SYT16: variants seen among roughly 807,000 people sequenced by gnomAD.
SYT16 encodes synaptotagmin 16.
In SYT16, 42 loss-of-function variants were observed where a neutral mutation model predicts 61.4. That is an observed-to-expected ratio of 0.68 (90% CI 0.53 to 0.89). SYT16 has a LOEUF of 0.89. Ranked by LOEUF, SYT16 falls within the 40% of genes least tolerant of loss-of-function variation. SYT16 has a pLI of 0.00. For synonymous variants in SYT16, 314 were observed against 302.3 expected (o/e 1.04, Z -0.40); for missense variants, 804 against 807.3 (o/e 1.00, Z 0.05).
At chr14:62,051,278 G>C (rs906487042) in intron 3 of SYT16, among the ~76,000 whole-genome samples, 1 of 152,250 alleles carries the variant, frequency 6.6e-6, no homozygotes, top group Non-Finnish European at 1.5e-5. Flanking sequence ...GCCATGTGCG[G>C]GATATAATCT....
chr14:61,818,657 G>A (rs1407213714), intron 1 of SYT16, among the ~76,000 whole-genome samples: 4 of 141,380 alleles, frequency 2.8e-5, no homozygotes, highest in Non-Finnish European at 3.0e-5. Context: ...CAGCCTGGGA[G>A]ACACAGTGAG....
chr14:62,095,682 TC>T (rs1313816711), intron 7 of SYT16, among the ~76,000 whole-genome samples: 3 of 152,006 alleles, frequency 2.0e-5, no homozygotes, highest in African/African-American at 7.2e-5. Flanking sequence ...CAGTTTTTTT[TC>T]CACATTATAT....
At chr14:61,973,113 A>C (rs1304403421) in intron 2 of SYT16, among the ~76,000 whole-genome samples, 1 of 152,202 alleles carries the variant, frequency 6.6e-6, no homozygotes, top group African/African-American at 2.4e-5. Flanking sequence ...AGAATAAAAT[A>C]ATTCCTTTCG....
At chr14:61,991,644 A>G (rs1464192621) in intron 2 of SYT16, among the ~76,000 whole-genome samples, 1 of 152,112 alleles carries the variant, frequency 6.6e-6, no homozygotes, top group Non-Finnish European at 1.5e-5. Flanking sequence ...AGTATTTTAG[A>G]ATATAGCAAC....
At chr14:61,958,906 T>A (rs2050996656) in intron 1 of SYT16, among the ~76,000 whole-genome samples, 1 of 152,118 alleles carries the variant, frequency 6.6e-6, no homozygotes, top group Non-Finnish European at 1.5e-5. Flanking sequence ...TTTGTCAATG[T>A]TTGTTTTATA....
chr14:61,936,753 T>C (rs1240787654), intron 1 of SYT16, among the ~76,000 whole-genome samples: 4 of 152,176 alleles, frequency 2.6e-5, no homozygotes, highest in African/African-American at 9.7e-5. Context: ...GCCTTAGCTC[T>C]TTGACGCTCC....
At chr14:61,831,193 G>C (rs1013653804) in intron 1 of SYT16, among the ~76,000 whole-genome samples, 1 of 152,202 alleles carries the variant, frequency 6.6e-6, no homozygotes, top group Non-Finnish European at 1.5e-5. Context: ...TCCTGCAGCA[G>C]TTATCCAGCT....
intron 3 of SYT16, among the ~76,000 whole-genome samples, chr14:62,024,233 G>C (rs538863374): frequency 1.3e-5 from 2 of 151,998 alleles, no homozygotes; most frequent in Non-Finnish European, 2.9e-5. Flanking sequence ...TCTACCGCAG[G>C]AATTCTATAA....
At chr14:61,822,378 G>A (rs992966784) in intron 1 of SYT16, among the ~76,000 whole-genome samples, 4 of 152,160 alleles carry the variant, frequency 2.6e-5, no homozygotes, top group African/African-American at 9.7e-5. Context: ...CATATTGAGG[G>A]TTGGTCTGCT....
chr14:61,845,178 G>GGA (rs2140260197), intron 1 of SYT16, among the ~76,000 whole-genome samples: 1 of 151,018 alleles, frequency 6.6e-6, no homozygotes, highest in Admixed American at 6.6e-5. Flanking sequence ...CTCCCAAGTA[G>GGA]CTGGGATTAC....
At chr14:61,892,348 C>T (rs1472581422) in intron 1 of SYT16, among the ~76,000 whole-genome samples, 5 of 152,168 alleles carry the variant, frequency 3.3e-5, no homozygotes, top group African/African-American at 1.2e-4. Context: ...CTCTCCTTCA[C>T]ACCTCATGCT....
At chr14:61,976,881 T>TC (rs2051830457) in intron 2 of SYT16, among the ~76,000 whole-genome samples, 3 of 152,206 alleles carry the variant, frequency 2.0e-5, no homozygotes, top group Admixed American at 2.0e-4. Flanking sequence ...GTTTTTTTTT[T>TC]TCTATTGCAT....
chr14:62,088,254 T>C lies in SYT16; in HGVS notation c.1624+3869T>C, dbSNP rs1007975386. ...AAGCAAATTAAGATATATAATTGAA[T>C]ACTATTCAGCAATAAAAAGTAATAA... On this transcript the variant is annotated intron_variant, in intron 7 of 7. Transcript: ENST00000683842. Among the ~76,000 whole-genome samples the C allele has an allele frequency of 5.9e-5, 9 of 152,216 alleles. No homozygotes were observed. In the East Asian group the frequency reaches 1.7e-3, roughly 29 times the overall value.
chr14:62,048,882 T>C (rs2055129690), intron 3 of SYT16, among the ~76,000 whole-genome samples: 1 of 152,162 alleles, frequency 6.6e-6, no homozygotes, highest in Non-Finnish European at 1.5e-5. Flanking sequence ...TGCTGAGGAG[T>C]ACTTTACTTC....
At chr14:61,855,709 A>G (rs2046752300) in intron 1 of SYT16, among the ~76,000 whole-genome samples, 1 of 152,262 alleles carries the variant, frequency 6.6e-6, no homozygotes, top group African/African-American at 2.4e-5. Context: ...TTAAACTACT[A>G]GAAACTATTA....
At chr14:62,006,972 G>A (rs528447527) in intron 3 of SYT16, among the ~76,000 whole-genome samples, 10 of 152,178 alleles carry the variant, frequency 6.6e-5, no homozygotes, top group African/African-American at 1.9e-4. Context: ...AGAACAACAG[G>A]CTTTGAAATC....
At chr14:61,819,513 ATTC>A (rs1594681956) in intron 1 of SYT16, among the ~76,000 whole-genome samples, 1 of 152,334 alleles carries the variant, frequency 6.6e-6, no homozygotes, top group Admixed American at 6.5e-5. Context: ...AGAATATAAT[ATTC>A]TTCTGGCGTC....
At chr14:61,898,092 C>A (rs1039914895) in intron 1 of SYT16, among the ~76,000 whole-genome samples, 3 of 152,094 alleles carry the variant, frequency 2.0e-5, no homozygotes, top group East Asian at 1.9e-4. Context: ...CGCCCGTTAC[C>A]CCCACAGGAG....
intron 1 of SYT16, among the ~76,000 whole-genome samples, chr14:61,818,375 A>G (rs2140210336): frequency 6.6e-6 from 1 of 152,252 alleles, no homozygotes; most frequent in African/African-American, 2.4e-5. Flanking sequence ...TTCAGTAGCA[A>G]TTCTGCAATA....
Sources: allele counts gnomAD v4.1 joint callset (sites outside exome capture counted in the v4.1 genomes callset), GRCh38; gene constraint gnomAD v4.1.1; transcripts MANE v1.5; gene names NCBI Gene and HGNC (gene_info 2026-07-23, HGNC 2026-07-21).